PEAK1: variants seen among roughly 807,000 people sequenced by gnomAD.
PEAK1 encodes the protein pseudopodium enriched atypical kinase 1.
In PEAK1, 54 loss-of-function variants were observed where a neutral mutation model predicts 124.7. That is an observed-to-expected ratio of 0.43 (90% confidence interval 0.35 to 0.54). The LOEUF (loss-of-function observed/expected upper bound fraction) is 0.54. PEAK1 is among the 20% of genes least tolerant of loss of function. PEAK1 has a pLI of 0.01. For synonymous variants in PEAK1, 719 were observed against 760.0 expected, an observed-to-expected ratio of 0.95 and a Z score of 0.89; for missense variants, 2,046 against 2,134.5, an observed-to-expected ratio of 0.96 and a Z score of 0.82.
In PEAK1 at chr15:77,147,349, G is replaced by C. The variant is rs970680324; in HGVS notation, c.3331+11154C>G. Among the ~76,000 whole-genome samples, 14 of 152,240 alleles carry C rather than the reference G, an allele frequency of 9.2e-5. No homozygotes were observed. In the South Asian group the frequency reaches 2.5e-3, roughly 27 times the overall value. The stretch of plus-strand genomic sequence containing the variant: ...TTTAGATAATGCTCTAGGATGTTGG[G>C]ATGCAGAAAGAGGAACAAGCCAAAA... On this transcript the variant is annotated intron_variant, in intron 8 of 9. Transcript: ENST00000682557.
At chr15:77,176,261 GAA>G (rs34451095) in intron 7 of PEAK1, among the ~76,000 whole-genome samples, 3,119 of 95,002 alleles carry the variant, frequency 0.033, 93 homozygotes, top group African/African-American at 0.11. Flanking sequence ...ATAATAAGAA[GAA>G]AAAAAAAAGA....
chr15:77,407,341 G>A (rs1232136663), intron 1 of PEAK1, among the ~76,000 whole-genome samples: 1 of 152,112 alleles, frequency 6.6e-6, no homozygotes, highest in Non-Finnish European at 1.5e-5. Flanking sequence ...ACAACCCAAA[G>A]GGTGGGAGAA....
At chr15:77,171,157 A>C (rs2056475654) in intron 7 of PEAK1, among the ~76,000 whole-genome samples, 1 of 152,170 alleles carries the variant, frequency 6.6e-6, no homozygotes, top group Non-Finnish European at 1.5e-5. Context: ...AAAATCTACA[A>C]GATAAAAGCC....
chr15:77,252,775 T>C (rs915385986), intron 5 of PEAK1, among the ~76,000 whole-genome samples: 1 of 152,188 alleles, frequency 6.6e-6, no homozygotes, highest in African/African-American at 2.4e-5. Flanking sequence ...CTTGAGATTT[T>C]CTAAGTCTTC....
chr15:77,114,361 G>T lies in PEAK1; in HGVS notation c.5036C>A (p.Thr1679Asn). Residue 1679 changes from threonine (T) to asparagine (N), a missense_variant, in exon 10 of 10, where the codon ACC becomes AAC. By Grantham distance (65) the Thr-to-Asn change is moderately conservative (BLOSUM62 0). Transcript: ENST00000682557. ...GPREDLFQTF[T>N]ACPSLVQRNT... ...CCTCTGTACTAGGCTAGGGCAGGCG[G>T]TGAAAGTCTGGAAGAGATCTTCGCG... The T allele has an allele frequency of 1.9e-6, 3 of 1,614,220 alleles. No homozygotes were observed. Among genetic ancestry groups the T allele is most frequent in the Non-Finnish European group, 2.5e-6 (3 of 1,180,030 alleles).
chr15:77,404,318 C>T, intron 1 of PEAK1: 1 of 985,316 alleles, frequency 1.0e-6, no homozygotes, highest in Non-Finnish European at 1.2e-6. Context: ...GGGGGAAATT[C>T]CATGTTCTAG....
At chr15:77,217,819 A>C (rs1471580163) in intron 6 of PEAK1, among the ~76,000 whole-genome samples, 1 of 152,130 alleles carries the variant, frequency 6.6e-6, no homozygotes, top group Non-Finnish European at 1.5e-5. Flanking sequence ...CATTTCCACA[A>C]ACTTTTGGAA....
intron 1 of PEAK1, chr15:77,403,505 A>G: frequency 1.0e-6 from 1 of 959,832 alleles, no homozygotes; most frequent in Non-Finnish European, 1.2e-6. Flanking sequence ...AAATAGTACA[A>G]ATCAAGCACA....
intron 2 of PEAK1, chr15:77,350,768 C>A: frequency 1.0e-6 from 1 of 980,700 alleles, no homozygotes; most frequent in Non-Finnish European, 1.2e-6. Flanking sequence ...AAAGACAGAT[C>A]AATTCTGTAT....
At chr15:77,394,719 T>C (rs530309494) in intron 1 of PEAK1, among the ~76,000 whole-genome samples, 101 of 152,246 alleles carry the variant, frequency 6.6e-4, no homozygotes, top group Middle Eastern at 3.4e-3. Flanking sequence ...TACCTAACAC[T>C]TCAATGACCA....
intron 2 of PEAK1, among the ~76,000 whole-genome samples, chr15:77,361,523 G>GTATC (rs1157699885): frequency 1.3e-5 from 2 of 151,992 alleles, no homozygotes; most frequent in Non-Finnish European, 2.9e-5. Context: ...CCACATTGAG[G>GTATC]TATCATCTCA....
intron 6 of PEAK1, among the ~76,000 whole-genome samples, chr15:77,246,274 T>C (rs1273185796): frequency 6.6e-6 from 1 of 152,216 alleles, no homozygotes; most frequent in African/African-American, 2.4e-5. Flanking sequence ...CCCAAAGTGC[T>C]GGGATTACAG....
chr15:77,253,560 T>C (rs1340286773), intron 5 of PEAK1, among the ~76,000 whole-genome samples: 1 of 152,220 alleles, frequency 6.6e-6, no homozygotes, highest in Admixed American at 6.5e-5. Context: ...ATTGTATGTC[T>C]ATTAACAATA....
chr15:77,201,640 T>C (rs776643439), intron 6 of PEAK1, among the ~76,000 whole-genome samples: 1 of 152,196 alleles, frequency 6.6e-6, no homozygotes, highest in African/African-American at 2.4e-5. Context: ...AAAATGATCA[T>C]TTCTGCCTCC....
intron 5 of PEAK1, among the ~76,000 whole-genome samples, chr15:77,269,362 T>C (rs2061908337): frequency 6.6e-6 from 1 of 151,826 alleles, no homozygotes; most frequent in African/African-American, 2.4e-5. Context: ...CAAGCAGGAG[T>C]AGCTATTCTT....
At chr15:77,252,555 T>C in intron 5 of PEAK1, 29 bp from the exon 6 acceptor site, 5 of 960,268 alleles carry the variant, frequency 5.2e-6, no homozygotes, top group Non-Finnish European at 6.2e-6. Context: ...AGAGCAAAAC[T>C]GGAGAGTAAT....
chr15:77,319,269 C>T (rs1348497209), intron 2 of PEAK1, among the ~76,000 whole-genome samples: 2 of 147,420 alleles, frequency 1.4e-5, no homozygotes, highest in East Asian at 2.0e-4. Flanking sequence ...AAAAAAAAAG[C>T]GTGCCCTAGC....
At chr15:77,198,756 T>C (rs1213819074) in intron 6 of PEAK1, among the ~76,000 whole-genome samples, 4 of 152,178 alleles carry the variant, frequency 2.6e-5, no homozygotes, top group Admixed American at 2.6e-4. Flanking sequence ...GTGAAGGAGC[T>C]AGAGAATTTA....
Position 77,133,355 on chromosome 15 carries a change from T to C in PEAK1, c.3727A>G (p.Ile1243Val), listed in dbSNP as rs192678529. 1,627 of 1,614,238 alleles carry C rather than the reference T, an allele frequency of 1.0e-3. 8 individuals are homozygous for C. The African/African-American group carries it at 0.017, about 17-fold the overall frequency. ...NSISSLTTLS[I>V]KDRFSNSMES... ...ATGCTGTTGGAAAATCTATCCTTAA[T>C]ACTGAGAGTGGTTAAGCTGGAAATG... The change falls in exon 9 of 10, where the codon ATT becomes GTT. Residue 1243 changes from isoleucine to valine, a missense_variant. Ile to Val is a conservative substitution (Grantham distance 29). Transcript: ENST00000682557. The surrounding 1 kb of genome is among the most constrained non-coding windows in gnomAD (Gnocchi z 4.2).
Sources: allele counts gnomAD v4.1 joint callset (sites outside exome capture counted in the v4.1 genomes callset), GRCh38; gene constraint gnomAD v4.1.1; non-coding constraint Gnocchi (gnomAD v3.1); transcripts MANE v1.5; gene names NCBI Gene and HGNC (gene_info 2026-07-23, HGNC 2026-07-21).